The following CSMD1 variants were observed in gnomAD, a reference collection of about 807,000 sequenced individuals.
The protein encoded by CSMD1 is CUB and Sushi multiple domains 1.
A neutral mutation model predicts 417.5 loss-of-function variants in CSMD1; 213 were observed. The ratio of observed to expected loss-of-function variants is 0.51; its 90% CI spans 0.46 to 0.57. The LOEUF (loss-of-function observed/expected upper bound fraction) is 0.57. CSMD1 is among the 20% of genes least tolerant of loss of function. The probability of loss-of-function intolerance (pLI) is 0.00; values close to 1 mark genes in which losing one functional copy is unlikely to be tolerated. For synonymous variants in CSMD1, 2,862 were observed against 1,736.8 expected, an observed-to-expected ratio of 1.65 and a Z score of -16.11; for missense variants, 6,923 against 4,529.7, an observed-to-expected ratio of 1.53 and a Z score of -15.17.
intron 3 of CSMD1, among the ~76,000 whole-genome samples, chr8:4,400,165 G>C (rs1395263749): frequency 1.3e-5 from 2 of 152,180 alleles, no homozygotes; most frequent in Non-Finnish European, 2.9e-5. Context: ...GGTTAGGGAA[G>C]TAATTACTGA....
intron 26 of CSMD1, among the ~76,000 whole-genome samples, chr8:3,273,042 C>T (rs184139546): frequency 5.9e-4 from 89 of 152,096 alleles, no homozygotes; most frequent in African/African-American, 2.0e-3. Context: ...AGTTTTTGCC[C>T]ATTCGGTATG....
chr8:3,584,386 G>C (rs1005287990), intron 9 of CSMD1, among the ~76,000 whole-genome samples: 1 of 152,064 alleles, frequency 6.6e-6, no homozygotes, highest in African/African-American at 2.4e-5. Context: ...TGATCAAGTG[G>C]GACACTTGAA....
chr8:3,742,829 C>T (rs931771548), intron 6 of CSMD1, among the ~76,000 whole-genome samples: 1 of 152,120 alleles, frequency 6.6e-6, no homozygotes, highest in African/African-American at 2.4e-5. Context: ...ATAAGGAGAC[C>T]CAACTTCTTC....
At chr8:3,411,655 CAT>C (rs1312891735) in intron 12 of CSMD1, among the ~76,000 whole-genome samples, 6 of 135,122 alleles carry the variant, frequency 4.4e-5, no homozygotes, top group Non-Finnish European at 7.9e-5. Flanking sequence ...AGTAGTCCAT[CAT>C]ATATATATAT....
At chr8:3,387,027 C>A (rs1240788519) in intron 18 of CSMD1, among the ~76,000 whole-genome samples, 1 of 152,136 alleles carries the variant, frequency 6.6e-6, no homozygotes, top group African/African-American at 2.4e-5. Context: ...TGAAGATCTC[C>A]TGACAGCTTC....
intron 1 of CSMD1, among the ~76,000 whole-genome samples, chr8:4,763,413 G>A (rs958121237): frequency 7.9e-5 from 12 of 152,256 alleles, no homozygotes; most frequent in African/African-American, 2.6e-4. Flanking sequence ...TGTGCTGAGA[G>A]TAAAATATAG....
Position 2,977,265 on chromosome 8 carries a change from C to A in CSMD1, c.8566+1347G>T, listed in dbSNP as rs537467002. Among the ~76,000 whole-genome samples, 3 of 152,128 alleles carry A rather than the reference C, an allele frequency of 2.0e-5. No homozygotes were observed. The South Asian group carries it at 6.2e-4, about 32-fold the overall frequency. ...ATTTATCCTGATGCTCTCCCTCCCCCTACCCTACTGACAGGCCTCAGTGAG... is the reference window on the plus strand; with the variant it reads ...ATTTATCCTGATGCTCTCCCTCCCCATACCCTACTGACAGGCCTCAGTGAG... On this transcript the variant is annotated intron_variant, in intron 55 of 69. Coordinates refer to ENST00000635120, the MANE Select transcript of CSMD1 (RefSeq NM_033225.6).
At chr8:3,601,683 T>C (rs1386765673) in intron 8 of CSMD1, among the ~76,000 whole-genome samples, 1 of 152,182 alleles carries the variant, frequency 6.6e-6, no homozygotes, top group Non-Finnish European at 1.5e-5. Flanking sequence ...TCATTGGTAA[T>C]ATGCAGAAGA....
At chr8:4,362,739 A>G (rs1228172359) in intron 3 of CSMD1, among the ~76,000 whole-genome samples, 3 of 152,186 alleles carry the variant, frequency 2.0e-5, no homozygotes, top group African/African-American at 7.2e-5. Flanking sequence ...TTGTTGTGTA[A>G]TCAGTTTTTA....
intron 3 of CSMD1, among the ~76,000 whole-genome samples, chr8:4,413,612 G>A (rs1375992521): frequency 1.3e-5 from 2 of 152,042 alleles, no homozygotes; most frequent in Non-Finnish European, 2.9e-5. Flanking sequence ...CCCTTATAAC[G>A]AATATTCAGT....
At chr8:3,230,609 C>A (rs1029383806) in intron 26 of CSMD1, among the ~76,000 whole-genome samples, 1 of 151,974 alleles carries the variant, frequency 6.6e-6, no homozygotes, top group Admixed American at 6.6e-5. Flanking sequence ...TAAAGTACAC[C>A]AACCTCAAGG....
Position 3,975,782 on chromosome 8 carries a change from A to G in CSMD1, c.818+22121T>C, listed in dbSNP as rs181138879. 7.2e-5 allele frequency among the ~76,000 whole-genome samples: 11 copies of G among 152,074 alleles called. No individual in the cohort carries two copies. In the East Asian group the frequency reaches 9.6e-4, roughly 13 times the overall value. ...TCCAAGTCTTCAAAAGATTTCTCTG[A>G]TAACTTAAAAAACCCATATAGGTTT... is the stretch of plus-strand genomic sequence containing the variant. On this transcript the variant is annotated intron_variant, in intron 5 of 69. Coordinates refer to ENST00000635120, the MANE Select transcript of CSMD1 (RefSeq NM_033225.6).
chr8:2,993,839 G>C (rs981149379), intron 54 of CSMD1, among the ~76,000 whole-genome samples: 3 of 151,972 alleles, frequency 2.0e-5, no homozygotes, highest in Non-Finnish European at 4.4e-5. Context: ...AAGCAGACAA[G>C]GCTCGTGATG....
chr8:4,543,388 A>G (rs1797485584), intron 2 of CSMD1, among the ~76,000 whole-genome samples: 1 of 152,116 alleles, frequency 6.6e-6, no homozygotes, highest in Non-Finnish European at 1.5e-5. Flanking sequence ...ATCTGGAATT[A>G]TACAGTTTGT....
At chr8:4,007,421 A>G (rs1816210774) in intron 4 of CSMD1, among the ~76,000 whole-genome samples, 1 of 152,128 alleles carries the variant, frequency 6.6e-6, no homozygotes, top group Non-Finnish European at 1.5e-5. Flanking sequence ...AGGCCTTTGC[A>G]ATGACCACCT....
chr8:4,914,940 AATG>A (rs921545505), intron 1 of CSMD1, among the ~76,000 whole-genome samples: 3 of 152,128 alleles, frequency 2.0e-5, no homozygotes, highest in African/African-American at 4.8e-5. Flanking sequence ...ATCCAAAGAA[AATG>A]ATGATGATGA....
intron 29 of CSMD1, among the ~76,000 whole-genome samples, chr8:3,215,354 C>T (rs1195940205): frequency 6.6e-6 from 1 of 152,200 alleles, no homozygotes; most frequent in African/African-American, 2.4e-5. Flanking sequence ...GATGTACTAA[C>T]AGCCAATAGT....
intron 3 of CSMD1, among the ~76,000 whole-genome samples, chr8:4,403,884 G>A (rs967899059): frequency 2.0e-5 from 3 of 152,106 alleles, no homozygotes; most frequent in Non-Finnish European, 2.9e-5. Context: ...ATGAACTCCT[G>A]ATTCTCACAT....
chr8:4,954,866 T>C (rs1460476768), intron 1 of CSMD1, among the ~76,000 whole-genome samples: 1 of 152,316 alleles, frequency 6.6e-6, no homozygotes, highest in African/African-American at 2.4e-5. Flanking sequence ...ACATACTAAC[T>C]CATAACTTCA....
Sources: gnomAD v4.1 joint callset for allele counts (sites outside exome capture counted in the v4.1 genomes callset) on GRCh38, gnomAD v4.1.1 for gene constraint, MANE v1.5 for transcripts, NCBI Gene and HGNC (gene_info 2026-07-23, HGNC 2026-07-21) for gene names.